PTPN23: variants seen among roughly 807,000 people sequenced by gnomAD.
PTPN23 encodes the protein protein tyrosine phosphatase non-receptor type 23.
In PTPN23, 72 loss-of-function variants were observed where a neutral mutation model predicts 156.3. That is an observed-to-expected ratio of 0.46 (90% CI 0.38 to 0.56). The LOEUF (loss-of-function observed/expected upper bound fraction) is 0.56, where lower values mean the gene tolerates loss of function less well. Ranked by LOEUF, PTPN23 falls within the 20% of genes least tolerant of loss-of-function variation. The pLI is 0.00. For missense variants in PTPN23, 1,974 were observed against 2,171.5 expected (o/e 0.91, Z 1.81); for synonymous variants, 957 against 899.6 (o/e 1.06, Z -1.14).
rs1705258488 is a variant in PTPN23, at chr3:47,410,690, A to G, written c.2892A>G (p.Ser964=). 1.3e-6 allele frequency: 2 copies of G among 1,594,434 alleles called. No individual in the cohort carries two copies. The highest frequency in any genetic ancestry group is 1.7e-6 in the Non-Finnish European group (2 of 1,174,140). The change falls in exon 20 of 25, where the codon TCA becomes TCG. Residue 964 remains serine (S), a synonymous_variant. Coordinates refer to ENST00000265562, the MANE Select transcript of PTPN23 (RefSeq NM_015466.4). ...QPQPHPQPHP[S]QAFGPQPPQQ... The stretch of plus-strand genomic sequence containing the variant: ...AGCCCCATCCTCAGCCCCATCCTTC[A>G]CAAGCGTTTGGGCCTCAGCCCCCAC...
In PTPN23 at chr3:47,406,081, C is replaced by T. The variant is rs1261704514; in HGVS notation, c.546+35C>T. The T allele has an allele frequency of 6.2e-7, 1 of 1,604,714 alleles. No homozygotes were observed. The highest frequency in any genetic ancestry group is 1.3e-5 in the African/African-American group (1 of 74,724). Reference sequence around the variant, plus strand: ...CGCCCTGGTTGGAGTGGAGTTGAATCCAGGGAAGGGGATGGCCAGGGAGGG... The same window carrying T: ...CGCCCTGGTTGGAGTGGAGTTGAATTCAGGGAAGGGGATGGCCAGGGAGGG... On this transcript the variant is annotated intron_variant, in intron 6 of 24. Transcript: ENST00000265562. This position sits in a 1 kb window ranked among gnomAD's most constrained non-coding sequence, Gnocchi z 5.8.
Position 47,407,120 on chromosome 3 carries a change from C to A in PTPN23, c.808-10C>A, listed in dbSNP as rs757297698. On this transcript the variant is annotated splice_polypyrimidine_tract_variant and intron_variant, in intron 9 of 24. Transcript: ENST00000265562. This position sits in a 1 kb window ranked among gnomAD's most constrained non-coding sequence, Gnocchi z 4.0. The stretch of plus-strand genomic sequence containing the variant: ...GAGGACAGAGCAGGCTTTCCTGCCA[C>A]CCTCCACAGGTTGCATACTTCCAGA... 2 of 1,613,970 alleles carry A rather than the reference C, an allele frequency of 1.2e-6. No homozygotes were observed. Among genetic ancestry groups the A allele is most frequent in the Non-Finnish European group, 8.5e-7 (1 of 1,179,946 alleles).
At chr3:47,396,730 C>A (rs1704886671) in intron 2 of PTPN23, among the ~76,000 whole-genome samples, 1 of 152,138 alleles carries the variant, frequency 6.6e-6, no homozygotes, top group African/African-American at 2.4e-5. Flanking sequence ...GAGTTTGAGA[C>A]CAGCCTCAAC....
At chr3:47,398,835 G>A (rs1704934625) in intron 2 of PTPN23, among the ~76,000 whole-genome samples, 1 of 152,234 alleles carries the variant, frequency 6.6e-6, no homozygotes, top group Non-Finnish European at 1.5e-5. Context: ...AAAGTGTTGG[G>A]ATTAAAGGCA....
chr3:47,408,131 G>A (rs2107717929), intron 14 of PTPN23, among the ~76,000 whole-genome samples, 176 bp downstream of exon 14: 1 of 152,284 alleles, frequency 6.6e-6, no homozygotes, highest in Non-Finnish European at 1.5e-5. Context: ...GTCATGTCTT[G>A]GGAGGAGGAG....
intron 1 of PTPN23, among the ~76,000 whole-genome samples, chr3:47,389,022 C>A (rs1314693299): frequency 6.6e-6 from 1 of 152,060 alleles, no homozygotes; most frequent in African/African-American, 2.4e-5. Flanking sequence ...ATTAACCATT[C>A]CCACTCCACT....
At chr3:47,409,861 CGGCTCGGGTCCAGACA>C in intron 19 of PTPN23, 27 bp downstream of exon 19, 1 of 1,599,468 alleles carries the variant, frequency 6.3e-7, no homozygotes, top group African/African-American at 1.3e-5. Context: ...GGCTGTGGTG[CGGCTCGGGTCCAGACA>C]GGCTGGGGTG....
intron 22 of PTPN23, 40 bp from the exon 23 acceptor site, chr3:47,412,243 T>C (rs1559530660): frequency 6.2e-7 from 1 of 1,613,232 alleles, no homozygotes. Context: ...GCTCTTGGCC[T>C]AGCCTCATAC....
At chr3:47,388,986 T>G (rs1704712506) in intron 1 of PTPN23, among the ~76,000 whole-genome samples, 2 of 152,126 alleles carry the variant, frequency 1.3e-5, no homozygotes, top group South Asian at 4.1e-4. Flanking sequence ...ATTGTATTCA[T>G]TCTATCTAAC....
In PTPN23 at chr3:47,412,157, G is replaced by T; in HGVS notation, c.4137G>T (p.Leu1379=). 1 of 1,613,204 alleles carries T rather than the reference G, an allele frequency of 6.2e-7. No individual in the cohort carries two copies. Among genetic ancestry groups the T allele is most frequent in the South Asian group, 1.1e-5 (1 of 91,090 alleles). ...RFIQEVHAHY[L]HQRPLHTPII... is the part of the protein sequence containing the mutation. Reference sequence around the variant, plus strand: ...TCCAGGAGGTGCACGCACATTACCTGCATCAGCGGCCGCTGCACACGCCCA... The same window carrying T: ...TCCAGGAGGTGCACGCACATTACCTTCATCAGCGGCCGCTGCACACGCCCA... The change falls in exon 22 of 25, where the codon CTG becomes CTT. Residue 1379 remains leucine, a synonymous_variant. Coordinates refer to ENST00000265562, the MANE Select transcript of PTPN23 (RefSeq NM_015466.4).
At chr3:47,398,502 T>C (rs746769554) in intron 2 of PTPN23, among the ~76,000 whole-genome samples, 29 of 152,048 alleles carry the variant, frequency 1.9e-4, no homozygotes, top group Non-Finnish European at 3.8e-4. Flanking sequence ...GGTTTTTTTG[T>C]GTGTTTTTGA....
rs117637576 is a variant in PTPN23, at chr3:47,392,755, A to G, written c.85-3388A>G. Among the ~76,000 whole-genome samples, 118 of 152,330 alleles carry G rather than the reference A, an allele frequency of 7.7e-4. 2 individuals carry two copies. The East Asian group carries it at 0.022, about 28-fold the overall frequency. ...TAGGGGAAAGTGGTATTCAGGTACC[A>G]TTTAGCTCTTCAGCAACTCTTAAGA... On this transcript the variant is annotated intron_variant, in intron 1 of 24. Transcript: ENST00000265562.
intron 2 of PTPN23, among the ~76,000 whole-genome samples, chr3:47,404,195 G>A (rs1705064899): frequency 6.6e-6 from 1 of 152,234 alleles, no homozygotes; most frequent in African/African-American, 2.4e-5. Flanking sequence ...AGCACTTTGA[G>A]AGGCTGAGGC....
intron 14 of PTPN23, 68 bp from the exon 15 acceptor site, chr3:47,408,277 C>T (rs1268077893): frequency 1.0e-5 from 16 of 1,568,614 alleles, no homozygotes; most frequent in East Asian, 9.0e-5. Flanking sequence ...CTTGCCCTAG[C>T]GGCTCCTTTG....
At chr3:47,381,246 C>T (rs1256674485) in intron 1 of PTPN23, 66 bp downstream of exon 1, 2 of 1,536,834 alleles carry the variant, frequency 1.3e-6, no homozygotes, top group Admixed American at 4.0e-5. Context: ...GCGCGTGACG[C>T]CCCCCTGCGC....
At chr3:47,393,240 C>G (rs1397238118) in intron 1 of PTPN23, among the ~76,000 whole-genome samples, 5 of 152,072 alleles carry the variant, frequency 3.3e-5, no homozygotes, top group African/African-American at 1.2e-4. Flanking sequence ...GCAACCTCCC[C>G]CTCCTGAGTT....
rs1705101519 is a variant in PTPN23 at position 47,405,538 on chromosome 3, C to T, written c.365-211C>T. The T allele has an allele frequency of 1.7e-6, 1 of 597,588 alleles. No individual in the cohort carries two copies. The highest frequency in any genetic ancestry group is 2.0e-5 in the South Asian group (1 of 49,686). 37.0% of individuals were successfully genotyped at this position (597,588 alleles called of 1,614,324 possible). ...TGGACCCCTTGGACAGGAGCCCTTCCATCCTCTGCCAAATGCAGAGCAGGA... is the reference window on the plus strand; with the variant it reads ...TGGACCCCTTGGACAGGAGCCCTTCTATCCTCTGCCAAATGCAGAGCAGGA... On this transcript the variant is annotated intron_variant, in intron 4 of 24. Coordinates refer to ENST00000265562, the MANE Select transcript of PTPN23 (RefSeq NM_015466.4). The surrounding 1 kb of genome is among the most constrained non-coding windows in gnomAD (Gnocchi z 4.7).
intron 2 of PTPN23, among the ~76,000 whole-genome samples, chr3:47,400,409 G>T (rs1489899092): frequency 6.6e-6 from 1 of 152,202 alleles, no homozygotes; most frequent in Non-Finnish European, 1.5e-5. Context: ...CCTCTGTGCG[G>T]CTCTGCGCAG....
intron 3 of PTPN23, 109 bp from the exon 4 acceptor site, chr3:47,404,895 TC>T: frequency 1.3e-6 from 2 of 1,577,800 alleles, no homozygotes; most frequent in Non-Finnish European, 1.7e-6. Context: ...CCTCATATGG[TC>T]CCCCCAGGCC....
Sources: gnomAD v4.1 joint callset for allele counts (sites outside exome capture counted in the v4.1 genomes callset) on GRCh38, gnomAD v4.1.1 for gene constraint, Gnocchi (gnomAD v3.1) non-coding constraint, MANE v1.5 for transcripts, NCBI Gene and HGNC (gene_info 2026-07-23, HGNC 2026-07-21) for gene names.